RANGAP1: variants seen among roughly 807,000 people sequenced by gnomAD.
The protein encoded by RANGAP1 is Ran GTPase activating protein 1, also known as ran GTPase-activating protein 1.
RANGAP1 carries 38 observed loss-of-function variants against 63.5 expected under a neutral mutation model. The observed-to-expected ratio is 0.60, with a 90% CI of 0.46 to 0.78. The LOEUF (loss-of-function observed/expected upper bound fraction) is 0.78, where lower values mean the gene tolerates loss of function less well. Ranked by LOEUF, RANGAP1 falls within the 30% of genes least tolerant of loss-of-function variation. The pLI is 0.00. For missense variants in RANGAP1, 630 were observed against 740.3 expected (o/e 0.85, Z 1.73); for synonymous variants, 329 against 310.5 (o/e 1.06, Z -0.63).
chr22:41,268,211 G>C, intron 3 of RANGAP1, 55 bp from the exon 4 acceptor site: 1 of 1,380,190 alleles, frequency 7.2e-7, no homozygotes, highest in Non-Finnish European at 1.0e-6. Context: ...GAGGCCCATA[G>C]TGAAGCCTCA....
the RANGAP1 span, among the ~76,000 whole-genome samples, chr22:41,292,227 A>G: frequency 6.6e-6 from 1 of 151,920 alleles, no homozygotes; most frequent in Non-Finnish European, 1.5e-5. Flanking sequence ...GGCTCACTGC[A>G]ACCTCTGCCT....
At chr22:41,294,057 C>A in the RANGAP1 span, among the ~76,000 whole-genome samples, 4 of 136,682 alleles carry the variant, frequency 2.9e-5, no homozygotes. Context: ...CCTCTCCCCA[C>A]GGTCTCCCTC....
the RANGAP1 span, among the ~76,000 whole-genome samples, chr22:41,294,945 C>CG: frequency 9.0e-6 from 1 of 111,680 alleles, no homozygotes; most frequent in African/African-American, 3.7e-5. Context: ...ATCAGCCCCC[C>CG]GCCCGGCCAG....
intron 12 of RANGAP1, among the ~76,000 whole-genome samples, chr22:41,252,321 T>C (rs1249081606): frequency 1.3e-5 from 2 of 151,780 alleles, no homozygotes; most frequent in East Asian, 3.9e-4. Flanking sequence ...AATAAATAAA[T>C]AAATAATAAA....
At chr22:41,293,730 G>A in the RANGAP1 span, among the ~76,000 whole-genome samples, 8 of 130,370 alleles carry the variant, frequency 6.1e-5, no homozygotes, top group Non-Finnish European at 1.2e-4. Context: ...AGTAAGCCGA[G>A]ATCGCGCCAC....
intron 3 of RANGAP1, among the ~76,000 whole-genome samples, chr22:41,274,054 G>C (rs1175414750): frequency 6.6e-6 from 1 of 152,206 alleles, no homozygotes; most frequent in African/African-American, 2.4e-5. Context: ...CTCCAGCCTG[G>C]ACGACAGAGT....
At chr22:41,282,625 A>G (rs943629806) in intron 1 of RANGAP1, 1 of 152,160 alleles carries the variant, frequency 6.6e-6, no homozygotes, top group African/African-American at 2.4e-5. Flanking sequence ...CTTGGCCAAT[A>G]AATGAAAATT....
At chr22:41,299,811 GC>G in the RANGAP1 span, among the ~76,000 whole-genome samples, 1 of 151,862 alleles carries the variant, frequency 6.6e-6, no homozygotes, top group African/African-American at 2.4e-5. Context: ...GAGTGCAGTG[GC>G]ATGATCCCGG....
Position 41,257,911 on chromosome 22 carries a change from T to A in RANGAP1, c.774+37A>T. ...GGAAAGACAGCAGCCAGCCTCTATC[T>A]GGCGGGGCCCAACTGGCTCTGCCAC... On this transcript the variant is annotated intron_variant, in intron 7 of 15. Transcript: ENST00000356244. The surrounding 1 kb of genome is among the most constrained non-coding windows in gnomAD (Gnocchi z 4.0). 6.4e-7 allele frequency: 1 copy of A among 1,561,316 alleles called. No individual in the cohort carries two copies. Among genetic ancestry groups the A allele is most frequent in the Non-Finnish European group, 8.7e-7 (1 of 1,148,482 alleles).
Position 41,277,504 on chromosome 22 carries a change from C to G in RANGAP1, c.113-2777G>C, listed in dbSNP as rs934954629. 1.0e-5 allele frequency: 12 copies of G among 1,196,808 alleles called. No individual in the cohort carries two copies. In the African/African-American group the frequency reaches 1.9e-4, roughly 19 times the overall value. The allele number at this position is 1,196,808 out of a possible 1,614,324, so 74.1% of individuals were successfully genotyped here. A position where few individuals can be genotyped will look rare whatever the true frequency, so the allele number is the denominator to read the frequency against. ...AACAAAAAGTTGAGTCTGGCTGGTA[C>G]AGGATGGAGTAGGGTGACATGTGGG... On this transcript the variant is annotated intron_variant, in intron 2 of 15. Coordinates refer to ENST00000356244, the MANE Select transcript of RANGAP1 (RefSeq NM_002883.4).
At chr22:41,255,178 GGAA>G (rs938032240) in intron 10 of RANGAP1, among the ~76,000 whole-genome samples, 5 of 152,078 alleles carry the variant, frequency 3.3e-5, no homozygotes, top group Non-Finnish European at 7.4e-5. Flanking sequence ...GTGTGGGGGA[GGAA>G]GAAGAGTAGG....
At chr22:41,272,892 A>C (rs1209402329) in intron 3 of RANGAP1, among the ~76,000 whole-genome samples, 1 of 151,794 alleles carries the variant, frequency 6.6e-6, no homozygotes, top group African/African-American at 2.4e-5. Flanking sequence ...GGCTCACTGA[A>C]ACCACTGCCT....
chr22:41,249,239 G>A, intron 15 of RANGAP1, 91 bp downstream of exon 15: 1 of 1,469,160 alleles, frequency 6.8e-7, no homozygotes, highest in Non-Finnish European at 9.0e-7. Flanking sequence ...TGGCTGGGCT[G>A]GGGCTGGGCC....
chr22:41,280,891 T>C, intron 2 of RANGAP1, 42 bp downstream of exon 2: 2 of 1,612,290 alleles, frequency 1.2e-6, no homozygotes, highest in Non-Finnish European at 1.7e-6. Context: ...ACACTCCCTC[T>C]CCTCCCCTGG....
chr22:41,258,814 C>G (rs1371514980), intron 6 of RANGAP1, among the ~76,000 whole-genome samples: 1 of 152,158 alleles, frequency 6.6e-6, no homozygotes, highest in Non-Finnish European at 1.5e-5. Context: ...GCCACCACAC[C>G]CGACTAATTT....
In RANGAP1 at chr22:41,254,357, C is replaced by A; in HGVS notation, c.1211G>T (p.Gly404Val). 1 of 1,614,118 alleles carries A rather than the reference C, an allele frequency of 6.2e-7. No homozygotes were observed. The highest frequency in any genetic ancestry group is 8.5e-7 in the Non-Finnish European group (1 of 1,180,018). ...CCGTGAGGGCGTGGCTGACTTCTCT[C>A]CCTGCCCTCGCTGCTGAGGCTCTTC... is the stretch of plus-strand genomic sequence containing the variant. ...EEEEPQQRGQGEKSATPSRKI... is the reference protein window; with the variant it reads ...EEEEPQQRGQVEKSATPSRKI... Residue 404 changes from glycine to valine, a missense_variant, in exon 11 of 16, where the codon GGA becomes GTA. Gly to Val is a moderately radical substitution (Grantham distance 109). Transcript: ENST00000356244.
At chr22:41,297,359 G>A in the RANGAP1 span, among the ~76,000 whole-genome samples, 2 of 152,238 alleles carry the variant, frequency 1.3e-5, no homozygotes, top group South Asian at 4.1e-4. Context: ...AGGACAATCA[G>A]CTTTACTCAG....
chr22:41,279,697 G>A (rs1483079078), intron 2 of RANGAP1, among the ~76,000 whole-genome samples: 1 of 151,800 alleles, frequency 6.6e-6, no homozygotes, highest in African/African-American at 2.4e-5. Flanking sequence ...AGCTATTTGG[G>A]AGGCTGAGGC....
At chr22:41,258,607 C>T (rs529786472) in intron 6 of RANGAP1, among the ~76,000 whole-genome samples, 2 of 152,314 alleles carry the variant, frequency 1.3e-5, no homozygotes, top group African/African-American at 4.8e-5. Context: ...CACAGCCTGG[C>T]CTTTTGATAC....
Sources: gnomAD v4.1 joint callset for allele counts (sites outside exome capture counted in the v4.1 genomes callset) on GRCh38, gnomAD v4.1.1 for gene constraint, Gnocchi (gnomAD v3.1) non-coding constraint, MANE v1.5 for transcripts, NCBI Gene and HGNC (gene_info 2026-07-23, HGNC 2026-07-21) for gene names.